Variants in ZNF385B observed in about 807,000 individuals in gnomAD.
The protein encoded by ZNF385B is zinc finger protein 533.
Under a neutral mutation model 39.2 loss-of-function variants are expected in ZNF385B, and 23 were observed. That is an observed-to-expected ratio of 0.59 (90% CI 0.42 to 0.83). The LOEUF (loss-of-function observed/expected upper bound fraction) is 0.83, where lower values mean the gene tolerates loss of function less well. Ranked by LOEUF, ZNF385B falls within the 40% of genes least tolerant of loss-of-function variation. ZNF385B has a pLI of 0.00. For synonymous variants in ZNF385B, 205 were observed against 222.6 expected, an observed-to-expected ratio of 0.92 and a Z score of 0.70; for missense variants, 552 against 598.9, an observed-to-expected ratio of 0.92 and a Z score of 0.82.
intron 3 of ZNF385B, among the ~76,000 whole-genome samples, chr2:179,719,416 C>T (rs1446520759): frequency 6.6e-6 from 1 of 152,308 alleles, no homozygotes; most frequent in East Asian, 1.9e-4. Flanking sequence ...ATTACAAATA[C>T]ATCATGCTCC....
In ZNF385B at chr2:179,850,058, A is replaced by G. The variant is rs528253438; in HGVS notation, c.-155+11043T>C. Among the ~76,000 whole-genome samples, 6 of 152,300 alleles carry G rather than the reference A, an allele frequency of 3.9e-5. No homozygotes were observed. The East Asian group carries it at 1.2e-3, about 29-fold the overall frequency. On this transcript the variant is annotated intron_variant, in intron 1 of 9. Coordinates refer to ENST00000410066, the MANE Select transcript of ZNF385B (RefSeq NM_152520.6). ...GTGCCTTTTGCTGTTAAATGAGATA[A>G]TGCTGTGGCATATAGTAGGTGTTTA...
chr2:179,841,974 A>G (rs1708559621), intron 1 of ZNF385B, among the ~76,000 whole-genome samples: 2 of 152,198 alleles, frequency 1.3e-5, no homozygotes, highest in African/African-American at 4.8e-5. Flanking sequence ...AAGAACACAG[A>G]TACCAGAGCA....
chr2:179,508,704 T>C (rs2057434975), intron 5 of ZNF385B, among the ~76,000 whole-genome samples: 1 of 152,234 alleles, frequency 6.6e-6, no homozygotes, highest in Non-Finnish European at 1.5e-5. Context: ...TGTATTATAA[T>C]AAGTGAGGGT....
chr2:179,775,322 A>G (rs1183148692), intron 1 of ZNF385B, among the ~76,000 whole-genome samples: 1 of 152,208 alleles, frequency 6.6e-6, no homozygotes, highest in African/African-American at 2.4e-5. Context: ...AAAATTAAGA[A>G]CCTTAAAAAA....
At chr2:179,650,468 G>C (rs759555139) in intron 3 of ZNF385B, among the ~76,000 whole-genome samples, 2 of 152,176 alleles carry the variant, frequency 1.3e-5, no homozygotes, top group Admixed American at 6.5e-5. Context: ...CATTATTCAA[G>C]ATAAGGGATA....
intron 3 of ZNF385B, among the ~76,000 whole-genome samples, chr2:179,566,490 T>C (rs1027926246): frequency 5.3e-5 from 8 of 152,232 alleles, no homozygotes; most frequent in Non-Finnish European, 1.2e-4. Context: ...GTTTTCTTTT[T>C]TATATTTTAA....
intron 3 of ZNF385B, among the ~76,000 whole-genome samples, chr2:179,657,694 A>G (rs1693952277): frequency 6.6e-6 from 1 of 152,252 alleles, no homozygotes. Flanking sequence ...AAATAGAAAC[A>G]GTTGATAAAT....
At chr2:179,656,194 G>A (rs1222972518) in intron 3 of ZNF385B, among the ~76,000 whole-genome samples, 1 of 152,046 alleles carries the variant, frequency 6.6e-6, no homozygotes, top group African/African-American at 2.4e-5. Context: ...GATGTAAAAA[G>A]ATGCAACAAA....
chr2:179,570,092 T>C (rs750501862), intron 3 of ZNF385B, among the ~76,000 whole-genome samples: 8 of 152,162 alleles, frequency 5.3e-5, no homozygotes, highest in Non-Finnish European at 1.0e-4. Context: ...TCAACACAGA[T>C]GTCAGCCAGA....
At chr2:179,629,276 G>A (rs977490288) in intron 3 of ZNF385B, among the ~76,000 whole-genome samples, 1 of 152,184 alleles carries the variant, frequency 6.6e-6, no homozygotes, top group Non-Finnish European at 1.5e-5. Context: ...GACACCTACA[G>A]AGTACTGTCA....
intron 3 of ZNF385B, among the ~76,000 whole-genome samples, chr2:179,633,681 T>C (rs545264462): frequency 1.3e-5 from 2 of 152,214 alleles, no homozygotes; most frequent in African/African-American, 4.8e-5. Flanking sequence ...CTATTCAACA[T>C]AGTGTTAGAA....
intron 1 of ZNF385B, among the ~76,000 whole-genome samples, chr2:179,820,514 T>C (rs1482549992): frequency 6.6e-6 from 1 of 152,012 alleles, no homozygotes; most frequent in African/African-American, 2.4e-5. Context: ...CATACTCTTA[T>C]CTGCCTAAGT....
intron 3 of ZNF385B, among the ~76,000 whole-genome samples, chr2:179,614,643 A>G (rs552811192): frequency 5.3e-5 from 8 of 152,300 alleles, no homozygotes; most frequent in African/African-American, 1.4e-4. Context: ...CTGGTATGAA[A>G]GCACAGATTG....
intron 3 of ZNF385B, among the ~76,000 whole-genome samples, chr2:179,724,658 C>G (rs1700893335): frequency 6.6e-6 from 1 of 152,164 alleles, no homozygotes; most frequent in Non-Finnish European, 1.5e-5. Flanking sequence ...ATTATTCTAA[C>G]ATAATTTTAG....
At chr2:179,784,938 T>C (rs746200258) in intron 1 of ZNF385B, among the ~76,000 whole-genome samples, 2 of 152,130 alleles carry the variant, frequency 1.3e-5, no homozygotes, top group Non-Finnish European at 2.9e-5. Flanking sequence ...AGGTATACTA[T>C]ATCCAACAGA....
At chr2:179,586,895 C>T (rs1212874816) in intron 3 of ZNF385B, among the ~76,000 whole-genome samples, 4 of 151,820 alleles carry the variant, frequency 2.6e-5, no homozygotes, top group South Asian at 4.2e-4. Flanking sequence ...AAAAATTAGC[C>T]GGGCGTGGTG....
At chr2:179,703,009 C>T (rs1264060660) in intron 3 of ZNF385B, among the ~76,000 whole-genome samples, 1 of 152,242 alleles carries the variant, frequency 6.6e-6, no homozygotes, top group East Asian at 1.9e-4. Flanking sequence ...ATTGCAACAG[C>T]CTAACTGTTC....
chr2:179,690,445 G>A (rs1698272987), intron 3 of ZNF385B, among the ~76,000 whole-genome samples: 1 of 152,176 alleles, frequency 6.6e-6, no homozygotes, highest in Non-Finnish European at 1.5e-5. Flanking sequence ...CTCCTCATAT[G>A]CAGGTTTTAT....
At chr2:179,459,781 A>G (rs1053021995) in intron 6 of ZNF385B, among the ~76,000 whole-genome samples, 3 of 150,744 alleles carry the variant, frequency 2.0e-5, no homozygotes, top group African/African-American at 7.3e-5. Flanking sequence ...AAACATATAT[A>G]AAACTATATA....
Sources: gnomAD v4.1 joint callset for allele counts (sites outside exome capture counted in the v4.1 genomes callset) on GRCh38, gnomAD v4.1.1 for gene constraint, MANE v1.5 for transcripts, NCBI Gene and HGNC (gene_info 2026-07-23, HGNC 2026-07-21) for gene names.